The following CERS4 variants were observed in gnomAD, a reference collection of about 807,000 sequenced individuals.
CERS4 encodes the protein ceramide synthase 4.
A neutral mutation model predicts 51.8 loss-of-function variants in CERS4; 65 were observed. The observed-to-expected ratio is 1.26, with a 90% CI of 1.03 to 1.54. The LOEUF (loss-of-function observed/expected upper bound fraction) is 1.54, where lower values mean the gene tolerates loss of function less well. CERS4 is among the 40% of genes most tolerant of loss of function. The pLI is 0.00. For synonymous variants in CERS4, 228 were observed against 208.4 expected (o/e 1.09, Z -0.81); for missense variants, 563 against 500.4 (o/e 1.13, Z -1.19).
chr19:8,258,190 G>A (rs538492529), intron 10 of CERS4, among the ~76,000 whole-genome samples: 5 of 152,190 alleles, frequency 3.3e-5, no homozygotes, highest in Non-Finnish European at 4.4e-5. Flanking sequence ...ATTACTCAGC[G>A]TGCCTGGACC....
At position 8,261,925 on chromosome 19, in the gene CERS4, C is replaced by G; in HGVS notation, c.1006-5C>G. 1 of 1,608,944 alleles carries G rather than the reference C, an allele frequency of 6.2e-7. No individual in the cohort carries two copies. Among genetic ancestry groups the G allele is most frequent in the Non-Finnish European group, 8.5e-7 (1 of 1,176,972 alleles). On this transcript the variant is annotated splice_region_variant and splice_polypyrimidine_tract_variant and intron_variant, in intron 11 of 11. Transcript: ENST00000251363. ...CTGAGCTCCATCCCTCTCTCTGTTC[C>G]CCAGATGGAGAAGGACATTCGTAGT...
chr19:8,221,568 C>T (rs537000124), intron 2 of CERS4, among the ~76,000 whole-genome samples: 1 of 147,674 alleles, frequency 6.8e-6, no homozygotes, highest in South Asian at 2.1e-4. Flanking sequence ...TTTTTTGAGA[C>T]GGAATCTTGC....
intron 2 of CERS4, among the ~76,000 whole-genome samples, chr19:8,211,775 T>G (rs1967092619): frequency 6.6e-6 from 1 of 150,466 alleles, no homozygotes; most frequent in South Asian, 2.1e-4. Flanking sequence ...ACCTGTAATC[T>G]CAGCTGCATG....
chr19:8,246,570 C>A (rs1568524812), intron 2 of CERS4, among the ~76,000 whole-genome samples: 1 of 151,856 alleles, frequency 6.6e-6, no homozygotes, highest in Non-Finnish European at 1.5e-5. Context: ...AAAAAGTCTG[C>A]ATTTCACTTG....
At chr19:8,259,513 C>T (rs1969567517) in intron 10 of CERS4, among the ~76,000 whole-genome samples, 1 of 151,922 alleles carries the variant, frequency 6.6e-6, no homozygotes, top group African/African-American at 2.4e-5. Flanking sequence ...TCAATCTGAC[C>T]TAGGTGTTCT....
intron 2 of CERS4, among the ~76,000 whole-genome samples, chr19:8,246,419 CATG>C (rs912562163): frequency 1.3e-5 from 2 of 151,862 alleles, no homozygotes; most frequent in African/African-American, 4.8e-5. Flanking sequence ...ATTAGCCAGT[CATG>C]GTGGTGTGTG....
intron 2 of CERS4, among the ~76,000 whole-genome samples, chr19:8,226,397 C>G (rs1030734378): frequency 4.6e-5 from 7 of 152,110 alleles, no homozygotes; most frequent in Non-Finnish European, 2.9e-5. Context: ...AACAGTCTGG[C>G]TTTGCACCTG....
chr19:8,229,101 G>A (rs554594028), intron 2 of CERS4, among the ~76,000 whole-genome samples: 7 of 151,908 alleles, frequency 4.6e-5, no homozygotes, highest in African/African-American at 1.7e-4. Context: ...TGAGGCAGGC[G>A]GATCCCCTGA....
chr19:8,259,082 T>C (rs573905843), intron 10 of CERS4, among the ~76,000 whole-genome samples: 275 of 149,688 alleles, frequency 1.8e-3, no homozygotes, highest in Middle Eastern at 0.018. Context: ...TGCAGTGAGC[T>C]GAGATCACAC....
intron 2 of CERS4, among the ~76,000 whole-genome samples, chr19:8,233,746 C>T (rs1968117842): frequency 6.6e-6 from 1 of 152,056 alleles, no homozygotes; most frequent in African/African-American, 2.4e-5. Flanking sequence ...GGCGCGGTGG[C>T]TCACGTCTGT....
intron 2 of CERS4, among the ~76,000 whole-genome samples, chr19:8,231,630 G>C (rs574727349): frequency 7.3e-5 from 11 of 150,806 alleles, no homozygotes; most frequent in Admixed American, 6.0e-4. Context: ...TTCACTGCAA[G>C]CTCCACCTCC....
chr19:8,260,664 G>C (rs1969636827), intron 10 of CERS4, among the ~76,000 whole-genome samples: 1 of 151,924 alleles, frequency 6.6e-6, no homozygotes, highest in Non-Finnish European at 1.5e-5. Context: ...AGAACCAGCA[G>C]GAAGGCTGGG....
At position 8,261,672 on chromosome 19, in the gene CERS4, C is replaced by CT. The variant is rs1969708919; in HGVS notation, c.849-15dup. On this transcript the variant is annotated splice_polypyrimidine_tract_variant and intron_variant, in intron 10 of 11. Transcript: ENST00000251363. ...GCTGGTCAAACCCCAGCCTCCTCCT[C>CT]TCCCCCTGGCTGTAGGATCCTCTAC... 6 of 1,613,742 alleles carry CT rather than the reference C, an allele frequency of 3.7e-6. No homozygotes were observed. Among genetic ancestry groups the CT allele is most frequent in the Non-Finnish European group, 5.1e-6 (6 of 1,179,814 alleles).
intron 10 of CERS4, among the ~76,000 whole-genome samples, chr19:8,260,687 C>T (rs1317069539): frequency 1.1e-4 from 16 of 151,710 alleles, no homozygotes; most frequent in South Asian, 2.1e-4. Flanking sequence ...CGGCGGCTCA[C>T]GCCTGTAATC....
intron 2 of CERS4, among the ~76,000 whole-genome samples, chr19:8,245,129 A>AAAAAAAAAAAC (rs1327716311): frequency 2.8e-4 from 42 of 148,752 alleles, no homozygotes; most frequent in African/African-American, 1.1e-3. Context: ...AAAAAAAAAA[A>AAAAAAAAAAAC]AAAAAACACT....
In CERS4 at chr19:8,235,611, G is replaced by T. The variant is rs568977578; in HGVS notation, c.-1-15465G>T. Among the ~76,000 whole-genome samples the T allele has an allele frequency of 3.3e-5, 5 of 151,902 alleles. No individual in the cohort carries two copies. In the East Asian group the frequency reaches 9.9e-4, roughly 30 times the overall value. ...AAAATACAACTTCTAGTTCAGGCTG[G>T]GTGTGGTGGCTCATGCCTATAATCC... is the stretch of plus-strand genomic sequence containing the variant. On this transcript the variant is annotated intron_variant, in intron 2 of 11. Coordinates refer to ENST00000251363, the MANE Select transcript of CERS4 (RefSeq NM_024552.3).
At position 8,257,038 on chromosome 19, in the gene CERS4, G is replaced by C; in HGVS notation, c.702G>C (p.Leu234=). The C allele has an allele frequency of 1.2e-6, 2 of 1,612,602 alleles. No individual in the cohort carries two copies. Among genetic ancestry groups the C allele is most frequent in the Non-Finnish European group, 1.7e-6 (2 of 1,179,134 alleles). The change falls in exon 9 of 12, where the codon CTG becomes CTC. Residue 234 remains leucine (L), a synonymous_variant. Coordinates refer to ENST00000251363, the MANE Select transcript of CERS4 (RefSeq NM_024552.3). ...CCAACCTGCTGCGCATTGGCTCTCT[G>C]GTGCTGCTGTTACACGATTCCTCTG... The part of the protein sequence containing the change: ...YSANLLRIGS[L]VLLLHDSSDY...
intron 2 of CERS4, among the ~76,000 whole-genome samples, chr19:8,214,951 A>AGGGAGGAGAGGGAGGAGG: frequency 1.2e-5 from 1 of 80,586 alleles, no homozygotes; most frequent in East Asian, 4.2e-4. Context: ...GGGGGAGGAG[A>AGGGAGGAGAGGGAGGAGG]GGGAGGAGGG....
intron 2 of CERS4, chr19:8,238,655 T>C: frequency 1.1e-6 from 1 of 919,944 alleles, no homozygotes; most frequent in Non-Finnish European, 1.3e-6. Context: ...GGTCCAGTAT[T>C]GGTTGTAGGT....
Sources: allele counts gnomAD v4.1 joint callset (sites outside exome capture counted in the v4.1 genomes callset), GRCh38; gene constraint gnomAD v4.1.1; transcripts MANE v1.5; gene names NCBI Gene and HGNC (gene_info 2026-07-23, HGNC 2026-07-21).